The following DYRK4 variants were observed in gnomAD, a reference collection of about 807,000 sequenced individuals.
DYRK4 encodes dual specificity tyrosine phosphorylation regulated kinase 4.
In DYRK4, 64 loss-of-function variants were observed where a neutral mutation model predicts 68.3. The observed-to-expected ratio is 0.94, with a 90% CI of 0.77 to 1.15. DYRK4 has a LOEUF of 1.15. DYRK4 is among the 50% of genes most tolerant of loss of function. The pLI, the probability that DYRK4 is intolerant of heterozygous loss-of-function variation, is 0.00. For missense variants in DYRK4, 740 were observed against 764.7 expected, an observed-to-expected ratio of 0.97 and a Z score of 0.38; for synonymous variants, 274 against 289.9, an observed-to-expected ratio of 0.95 and a Z score of 0.56.
chr12:4,572,451 TTTG>T lies in DYRK4; in HGVS notation c.132+4420_132+4422del, dbSNP rs527847736. Among the ~76,000 whole-genome samples, 7 of 152,002 alleles carry T rather than the reference TTTG, an allele frequency of 4.6e-5. No homozygotes were observed. In the Middle Eastern group the frequency reaches 0.01, roughly 222 times the overall value. On this transcript the variant is annotated intron_variant, in intron 2 of 14. Coordinates refer to ENST00000543431, the MANE Select transcript of DYRK4 (RefSeq NM_001394779.1). The stretch of plus-strand genomic sequence containing the variant: ...CGCCCGCCACCACACCTGGCTAATT[TTTG>T]TTGTTGTTGTTGTTGTATTTTTAGT...
intron 14 of DYRK4, 180 bp downstream of exon 14, chr12:4,612,898 A>G (rs1385878035): frequency 1.6e-6 from 1 of 620,994 alleles, no homozygotes; most frequent in Non-Finnish European, 2.7e-6. Flanking sequence ...TTGCATGTCA[A>G]TTTCTCTAAC....
chr12:4,576,146 G>C (rs897710795), intron 2 of DYRK4, among the ~76,000 whole-genome samples: 9 of 152,102 alleles, frequency 5.9e-5, no homozygotes, highest in Non-Finnish European at 1.2e-4. Context: ...TAGTTTCACT[G>C]ACCTAAAAAT....
chr12:4,571,092 G>A lies in DYRK4; in HGVS notation c.132+3044G>A, dbSNP rs190364901. ...CTGCATCTCAGCATTGCCTCAGCTGGTTTCTGGGACTCGAGGAGCTAGCTG... is the reference window on the plus strand; with the variant it reads ...CTGCATCTCAGCATTGCCTCAGCTGATTTCTGGGACTCGAGGAGCTAGCTG... On this transcript the variant is annotated intron_variant, in intron 2 of 14. Coordinates refer to ENST00000543431, the MANE Select transcript of DYRK4 (RefSeq NM_001394779.1). 2.6e-5 allele frequency among the ~76,000 whole-genome samples: 4 copies of A among 152,324 alleles called. No individual in the cohort carries two copies. In the East Asian group the frequency reaches 7.7e-4, roughly 29 times the overall value.
In DYRK4 at chr12:4,610,136, G is replaced by A. The variant is rs370476060; in HGVS notation, c.1361-19G>A. On this transcript the variant is annotated intron_variant, in intron 12 of 14. Transcript: ENST00000543431. ...AGATTTACACCTGAAACTAAATACA[G>A]AATGTTCTATCTCTACAGATTCCAA... The A allele has an allele frequency of 1.3e-6, 2 of 1,562,362 alleles. No homozygotes were observed. The highest frequency in any genetic ancestry group is 1.2e-5 in the South Asian group (1 of 80,740).
intron 2 of DYRK4, chr12:4,573,354 A>G (rs1461997785): frequency 2.3e-6 from 3 of 1,289,572 alleles, no homozygotes; most frequent in Non-Finnish European, 2.0e-6. Context: ...TGAGATCTAC[A>G]TGGTAAGTAC....
chr12:4,604,557 A>G (rs1174486913), intron 10 of DYRK4, among the ~76,000 whole-genome samples: 1 of 152,366 alleles, frequency 6.6e-6, no homozygotes, highest in South Asian at 2.1e-4. Flanking sequence ...GCCAAGTCAC[A>G]AGACTCAGAA....
intron 2 of DYRK4, among the ~76,000 whole-genome samples, chr12:4,575,299 C>CTCTGTGTGTG (rs372285853): frequency 2.0e-5 from 3 of 148,862 alleles, no homozygotes; most frequent in African/African-American, 7.4e-5. Flanking sequence ...CAATAACTTA[C>CTCTGTGTGTG]TGTGTGTGTG....
intron 10 of DYRK4, chr12:4,602,585 C>T: frequency 7.6e-7 from 1 of 1,307,224 alleles, no homozygotes; most frequent in Non-Finnish European, 1.1e-6. Context: ...GAGTGAGTGA[C>T]AACATCAATC....
rs1483502062 is a variant in DYRK4 at position 4,612,658 on chromosome 12, T to C, written c.1606T>C (p.Phe536Leu). 6.2e-7 allele frequency: 1 copy of C among 1,613,828 alleles called. No homozygotes were observed. The highest frequency in any genetic ancestry group is 8.5e-7 in the Non-Finnish European group (1 of 1,179,774). Residue 536 changes from phenylalanine to leucine, a missense_variant, in exon 14 of 15, where the codon TTT (phenylalanine) becomes CTT (leucine). By Grantham distance (22) the Phe-to-Leu change is conservative (BLOSUM62 0). This residue lies in a region of DYRK4 where 614 missense variants were observed against 603.7 expected (regional missense o/e 1.02). Coordinates refer to ENST00000543431, the MANE Select transcript of DYRK4 (RefSeq NM_001394779.1). ...CCAGACCCTGAGGAAATCCAATTCCTTTTTCCCCTCTGAGACAAGGAAGGA... is the reference window on the plus strand; with the variant it reads ...CCAGACCCTGAGGAAATCCAATTCCCTTTTCCCCTCTGAGACAAGGAAGGA... ...RPQTLRKSNS[F>L]FPSETRKDKV...
chr12:4,568,135 C>G (rs1944695120), intron 2 of DYRK4, 87 bp downstream of exon 2: 6 of 1,253,672 alleles, frequency 4.8e-6, no homozygotes, highest in Non-Finnish European at 6.7e-6. Context: ...GGTTGTGCCC[C>G]AAGCACCTCT....
At chr12:4,610,098 A>G in intron 12 of DYRK4, 57 bp from the exon 13 acceptor site, 8 of 1,497,272 alleles carry the variant, frequency 5.3e-6, no homozygotes, top group South Asian at 4.2e-5. Context: ...CAGCAGCATC[A>G]TGTGACCACT....
intron 13 of DYRK4, among the ~76,000 whole-genome samples, chr12:4,612,011 T>A (rs1349295808): frequency 6.6e-6 from 1 of 152,190 alleles, no homozygotes; most frequent in African/African-American, 2.4e-5. Context: ...GTTCTGTGAG[T>A]TAGTATCTTG....
chr12:4,576,908 C>T (rs1311494838), intron 2 of DYRK4, among the ~76,000 whole-genome samples: 1 of 151,998 alleles, frequency 6.6e-6, no homozygotes, highest in Non-Finnish European at 1.5e-5. Flanking sequence ...AGACACAATC[C>T]CTTCTCAGAT....
chr12:4,562,299 G>C lies in DYRK4; in HGVS notation c.38+16G>C. On this transcript the variant is annotated intron_variant, in intron 1 of 14. Coordinates refer to ENST00000543431, the MANE Select transcript of DYRK4 (RefSeq NM_001394779.1). ...CCGGAACAAAGTAAGGGCCGCGGAG[G>C]CTCGTACTTCACGAGCAGTCAGGCG... 3.3e-6 allele frequency: 5 copies of C among 1,531,484 alleles called. No individual in the cohort carries two copies. Among genetic ancestry groups the C allele is most frequent in the East Asian group, 2.5e-5 (1 of 40,356 alleles). 94.9% of individuals were successfully genotyped at this position (1,531,484 alleles called of 1,614,324 possible). A position where few individuals can be genotyped will look rare whatever the true frequency, so the allele number is the denominator to read the frequency against.
At chr12:4,565,126 A>G (rs11063230) in intron 1 of DYRK4, among the ~76,000 whole-genome samples, 21,302 of 152,276 alleles carry the variant, frequency 0.14, 1,492 homozygotes, top group African/African-American at 0.17. Context: ...AACAAGATAC[A>G]AACGAAATAT....
At chr12:4,592,912 T>C in intron 5 of DYRK4, 90 bp from the exon 6 acceptor site, 1 of 1,510,126 alleles carries the variant, frequency 6.6e-7, no homozygotes, top group Non-Finnish European at 8.9e-7. Flanking sequence ...GGCTGATGGC[T>C]CGTGACCTGG....
At chr12:4,599,315 A>G (rs979959381) in intron 9 of DYRK4, 149 bp downstream of exon 9, 8 of 794,996 alleles carry the variant, frequency 1.0e-5, no homozygotes, top group Admixed American at 6.7e-5. Flanking sequence ...TCATGGCAGT[A>G]TATCAAGGGA....
intron 8 of DYRK4, chr12:4,597,194 A>G: frequency 1.0e-6 from 1 of 1,002,328 alleles, no homozygotes; most frequent in Non-Finnish European, 1.2e-6. Flanking sequence ...GTAAGAGAGC[A>G]GAGCCTGACT....
intron 2 of DYRK4, among the ~76,000 whole-genome samples, chr12:4,582,520 AAAC>A (rs1944854018): frequency 6.6e-6 from 1 of 152,206 alleles, no homozygotes; most frequent in Non-Finnish European, 1.5e-5. Flanking sequence ...GAAACCAGTA[AAAC>A]AACCTTGTCT....
Sources: gnomAD v4.1 joint callset for allele counts (sites outside exome capture counted in the v4.1 genomes callset) on GRCh38, gnomAD v4.1.1 for gene constraint, gnomAD v4.1.1 regional missense constraint, MANE v1.5 for transcripts, NCBI Gene and HGNC (gene_info 2026-07-23, HGNC 2026-07-21) for gene names.